Variants in TNRC6B observed in about 807,000 individuals in gnomAD.
TNRC6B encodes the protein trinucleotide repeat-containing gene 6B protein.
A neutral mutation model predicts 203.6 loss-of-function variants in TNRC6B; 52 were observed. The observed-to-expected ratio is 0.26, with a 90% CI of 0.20 to 0.32. The LOEUF (loss-of-function observed/expected upper bound fraction) is 0.32. Among genes scored for constraint, TNRC6B ranks in the 10% least tolerant of loss-of-function variants. The pLI is 1.00. For synonymous variants in TNRC6B, 838 were observed against 845.7 expected (o/e 0.99, Z 0.16); for missense variants, 1,923 against 2,286.2 (o/e 0.84, Z 3.24).
At chr22:40,167,276 A>G (rs563039907) in intron 4 of TNRC6B, among the ~76,000 whole-genome samples, 1 of 152,226 alleles carries the variant, frequency 6.6e-6, no homozygotes. Flanking sequence ...GAAGTCACTC[A>G]TAAGTCCATT....
chr22:40,323,191 G>T lies in TNRC6B; in HGVS notation c.5452G>T (p.Ala1818Ser), dbSNP rs755940480. 14 of 1,613,480 alleles carry T rather than the reference G, an allele frequency of 8.7e-6. No individual in the cohort carries two copies. In the Admixed American group the frequency reaches 1.8e-4, roughly 21 times the overall value. ...VEDPHRMGSP[A>S]PLLPGDLLGG... Reference sequence around the variant, plus strand: ...AGATCCCCATAGGATGGGCAGCCCTGCTCCTTTACTACCTGGTGACCTTCT... The same window carrying T: ...AGATCCCCATAGGATGGGCAGCCCTTCTCCTTTACTACCTGGTGACCTTCT... Residue 1818 changes from alanine to serine, a missense_variant, in exon 23 of 23, where the codon GCT (alanine) becomes TCT (serine). Physicochemically the swap from Ala to Ser is moderately conservative, Grantham distance 99. This residue lies in a region of TNRC6B where 126 missense variants were observed against 137.5 expected (regional missense o/e 0.92). Coordinates refer to ENST00000454349, the MANE Select transcript of TNRC6B (RefSeq NM_001162501.2).
chr22:40,073,839 C>T (rs2067978115), intron 1 of TNRC6B, among the ~76,000 whole-genome samples: 2 of 152,084 alleles, frequency 1.3e-5, no homozygotes, highest in South Asian at 2.1e-4. Flanking sequence ...GGGCAGATCA[C>T]CTGATGTCAG....
chr22:40,188,229 A>G (rs1289783038), intron 1 of TNRC6B, among the ~76,000 whole-genome samples: 1 of 152,162 alleles, frequency 6.6e-6, no homozygotes, highest in Non-Finnish European at 1.5e-5. Flanking sequence ...AAAACAAAAT[A>G]AAGAAATGAT....
At chr22:40,302,612 G>A (rs968759795) in intron 15 of TNRC6B, among the ~76,000 whole-genome samples, 13 of 146,744 alleles carry the variant, frequency 8.9e-5, no homozygotes, top group African/African-American at 3.3e-4. Flanking sequence ...CCACCTGGGT[G>A]ATAGAGCAAG....
intron 1 of TNRC6B, among the ~76,000 whole-genome samples, chr22:40,193,017 A>G (rs1244953924): frequency 3.9e-5 from 6 of 152,192 alleles, no homozygotes; most frequent in Non-Finnish European, 5.9e-5. Flanking sequence ...AGGATGGTGC[A>G]AGAGAAACCC....
intron 12 of TNRC6B, among the ~76,000 whole-genome samples, chr22:40,288,678 G>A (rs2070824403): frequency 6.6e-6 from 1 of 151,948 alleles, no homozygotes; most frequent in Non-Finnish European, 1.5e-5. Context: ...GAGTAGCTGG[G>A]ACTACAGGAG....
At chr22:40,124,610 C>A (rs2068472418) in intron 2 of TNRC6B, among the ~76,000 whole-genome samples, 1 of 152,172 alleles carries the variant, frequency 6.6e-6, no homozygotes, top group South Asian at 2.1e-4. Context: ...AGCCACTGCA[C>A]CTGGCCTTTT....
At chr22:40,046,339 A>AGT (rs772973403) in intron 1 of TNRC6B, among the ~76,000 whole-genome samples, 8 of 152,236 alleles carry the variant, frequency 5.3e-5, no homozygotes, top group Non-Finnish European at 8.8e-5. Context: ...GTAGGCAGGT[A>AGT]GTGGGAGGGC....
intron 1 of TNRC6B, among the ~76,000 whole-genome samples, chr22:40,103,668 A>G (rs954212753): frequency 2.0e-5 from 3 of 151,640 alleles, no homozygotes; most frequent in African/African-American, 7.3e-5. Flanking sequence ...TTTGAGGTGG[A>G]GTCTCACTTT....
At position 40,323,087 on chromosome 22, in the gene TNRC6B, G is replaced by A; in HGVS notation, c.5348G>A (p.Ser1783Asn). The A allele has an allele frequency of 6.2e-7, 1 of 1,607,340 alleles. No homozygotes were observed. Among genetic ancestry groups the A allele is most frequent in the Non-Finnish European group, 8.5e-7 (1 of 1,176,662 alleles). ...GQWSSSAGGS[S>N]GADLAGASLW... ...TGGAGCAGCAGCGCTGGTGGCAGCA[G>A]CGGGGCCGATCTTGCTGGCGCTTCA... Residue 1783 changes from serine (S) to asparagine (N), a missense_variant, in exon 23 of 23, where the codon AGC (serine) becomes AAC (asparagine). Around this residue, in one of 8 missense-constraint regions of TNRC6B, gnomAD observed 126 missense variants for 137.5 expected, o/e 0.92. Transcript: ENST00000454349.
chr22:40,144,842 C>T (rs935725361), intron 3 of TNRC6B, among the ~76,000 whole-genome samples: 6 of 151,726 alleles, frequency 4.0e-5, no homozygotes, highest in South Asian at 2.1e-4. Context: ...GTTAATAGGG[C>T]GATCTTCAAG....
chr22:40,236,500 G>A (rs145226520), intron 1 of TNRC6B, among the ~76,000 whole-genome samples: 5 of 152,134 alleles, frequency 3.3e-5, no homozygotes, highest in Non-Finnish European at 7.3e-5. Context: ...CCCGTGTTGG[G>A]TGGCTCTCTT....
In TNRC6B at chr22:40,331,463, C is replaced by G; in HGVS notation, c.*8222C>G. ...AATGCTAAGGGCCATTTCCATGATT[C>G]CTCAGAGCTCCCCCAAAGAGGAGAA... On this transcript the variant is annotated 3_prime_UTR_variant, in exon 23 of 23. Coordinates refer to ENST00000454349, the MANE Select transcript of TNRC6B (RefSeq NM_001162501.2). 1 of 355,972 alleles carries G rather than the reference C, an allele frequency of 2.8e-6. No homozygotes were observed. The highest frequency in any genetic ancestry group is 5.1e-6 in the Non-Finnish European group (1 of 197,828). The allele number at this position is 355,972 out of a possible 1,614,324, so 22.1% of individuals were successfully genotyped here. A position where few individuals can be genotyped will look rare whatever the true frequency, so the allele number is the denominator to read the frequency against.
At chr22:40,235,764 T>A (rs2069939173) in intron 1 of TNRC6B, among the ~76,000 whole-genome samples, 1 of 152,240 alleles carries the variant, frequency 6.6e-6, no homozygotes, top group Non-Finnish European at 1.5e-5. Flanking sequence ...TCGATTAAAC[T>A]AACAATTTGA....
intron 15 of TNRC6B, 66 bp from the exon 16 acceptor site, chr22:40,308,446 G>C (rs1318470643): frequency 2.5e-6 from 4 of 1,585,658 alleles, no homozygotes; most frequent in Non-Finnish European, 3.5e-6. Context: ...GGCATTCCTG[G>C]ACTCTGCTTC....
At chr22:40,048,849 T>C (rs576679080) in intron 1 of TNRC6B, among the ~76,000 whole-genome samples, 4 of 152,008 alleles carry the variant, frequency 2.6e-5, no homozygotes, top group Non-Finnish European at 4.4e-5. Context: ...CATCCATCTT[T>C]CTTGTCTTTC....
chr22:40,310,876 A>G lies in TNRC6B; in HGVS notation c.4318A>G (p.Ile1440Val), dbSNP rs755500875. 5.0e-6 allele frequency: 8 copies of G among 1,612,570 alleles called. No individual in the cohort carries two copies. The highest frequency in any genetic ancestry group is 1.7e-4 in the Middle Eastern group (1 of 5,904). The change falls in exon 17 of 23, where the codon ATC becomes GTC. Residue 1440 changes from isoleucine (I) to valine (V), a missense_variant. Coordinates refer to ENST00000454349, the MANE Select transcript of TNRC6B (RefSeq NM_001162501.2). ...GGSPYNQFDI[I>V]PGDTLGGHTG... ...GTCACCGTACAACCAGTTTGATATC[A>G]TCCCTGGTGACACACTGGGTGGCCA... is the stretch of plus-strand genomic sequence containing the variant.
At chr22:40,233,389 C>T (rs998393309) in intron 1 of TNRC6B, among the ~76,000 whole-genome samples, 3 of 151,194 alleles carry the variant, frequency 2.0e-5, no homozygotes, top group South Asian at 2.1e-4. Context: ...TTTGGGAGGC[C>T]GAGGAGGGTG....
intron 1 of TNRC6B, among the ~76,000 whole-genome samples, chr22:40,219,842 A>G (rs2069684227): frequency 6.6e-6 from 1 of 152,000 alleles, no homozygotes; most frequent in Admixed American, 6.6e-5. Context: ...TACTACTGGA[A>G]TCCTCATATT....
Sources: gnomAD v4.1 joint callset for allele counts (sites outside exome capture counted in the v4.1 genomes callset) on GRCh38, gnomAD v4.1.1 for gene constraint, gnomAD v4.1.1 regional missense constraint, MANE v1.5 for transcripts, NCBI Gene and HGNC (gene_info 2026-07-23, HGNC 2026-07-21) for gene names.